MUC12: variants seen among roughly 807,000 people sequenced by gnomAD.
MUC12 encodes the protein mucin 12, cell surface associated.
In MUC12, 172 loss-of-function variants were observed where a neutral mutation model predicts 230.8. That is an observed-to-expected ratio of 0.75 (90% CI 0.66 to 0.85). The LOEUF is 0.85. MUC12 is among the 40% of genes least tolerant of loss of function. MUC12 has a pLI of 0.00. For synonymous variants in MUC12, 1,259 were observed against 2,401.9 expected, an observed-to-expected ratio of 0.52 and a Z score of 13.91; for missense variants, 3,506 against 5,920.6, an observed-to-expected ratio of 0.59 and a Z score of 13.38.
chr7:100,981,726 G>T (rs1048095380), intron 1 of MUC12, among the ~76,000 whole-genome samples: 11 of 152,088 alleles, frequency 7.2e-5, no homozygotes, highest in African/African-American at 2.7e-4. Context: ...AGGTATGTTC[G>T]GAATGGTCCC....
chr7:101,018,546 C>T (rs2116373744), intron 11 of MUC12, 49 bp from the exon 12 acceptor site: 3 of 1,532,898 alleles, frequency 2.0e-6, no homozygotes, highest in South Asian at 1.2e-5. Flanking sequence ...GGGGCTCCCC[C>T]TTTCCCGGGT....
chr7:101,012,721 AGGGGAGGG>A, intron 6 of MUC12, 90 bp from the exon 7 acceptor site: 1 of 1,336,710 alleles, frequency 7.5e-7, no homozygotes, highest in Non-Finnish European at 1.0e-6. Flanking sequence ...GCATTGGCCC[AGGGGAGGG>A]CATGGTATAG....
chr7:100,975,045 G>T, intron 1 of MUC12, among the ~76,000 whole-genome samples: 1 of 152,134 alleles, frequency 6.6e-6, no homozygotes, highest in African/African-American at 2.4e-5. Context: ...CCTGTTGAGT[G>T]TGGAATGACT....
intron 1 of MUC12, among the ~76,000 whole-genome samples, chr7:100,970,914 G>A (rs909231402): frequency 6.6e-6 from 1 of 151,858 alleles, no homozygotes; most frequent in Non-Finnish European, 1.5e-5. Flanking sequence ...GGAGAATGGC[G>A]TGAACCCGGG....
At chr7:100,973,318 T>C (rs1792951057) in intron 1 of MUC12, among the ~76,000 whole-genome samples, 1 of 152,284 alleles carries the variant, frequency 6.6e-6, no homozygotes. Context: ...GAGGAGCCTC[T>C]TTTTGCTGGA....
Position 101,005,359 on chromosome 7 carries a change from A to T in MUC12, c.14796A>T (p.Glu4932Asp), listed in dbSNP as rs905183850. 2 of 1,537,730 alleles carry T rather than the reference A, an allele frequency of 1.3e-6. No homozygotes were observed. The highest frequency in any genetic ancestry group is 2.7e-5 in the African/African-American group (2 of 73,008). ...ARSTASDLVG[E>D]PTTFYISPSP... ...CCACAGCCTCAGACCTTGTTGGAGA[A>T]CCTACAACTTTCTACATCAGCCCAT... Residue 4932 changes from glutamate (E) to aspartate (D), a missense_variant, in exon 2 of 12, where the codon GAA becomes GAT. By Grantham distance (45) the Glu-to-Asp change is conservative. Transcript: ENST00000536621.
chr7:100,988,308 A>G (rs79876820), intron 1 of MUC12, among the ~76,000 whole-genome samples: 9,214 of 148,384 alleles, frequency 0.062, 321 homozygotes, highest in Middle Eastern at 0.1. Flanking sequence ...AAAAAAAAAA[A>G]AAAGAAAGAA....
chr7:101,008,271 C>T (rs1403481954), intron 3 of MUC12, among the ~76,000 whole-genome samples: 2 of 152,048 alleles, frequency 1.3e-5, no homozygotes, highest in South Asian at 2.1e-4. Flanking sequence ...GGACTACAGG[C>T]GTGCACTACC....
Position 101,001,203 on chromosome 7 carries a change from C to A in MUC12, c.10640C>A (p.Ser3547Ter). ...ACCACCTCAGGCTCCAGTCAGGAAT[C>A]AACAACTTCCCACAGCAGCTCAGGT... ...STTTSGSSQESTTSHSSSGST... is the reference protein window; with the variant it reads ...STTTSGSSQE Residue 3547 changes from serine (S) to a stop codon, truncating the protein, a stop_gained, in exon 2 of 12, where the codon TCA becomes TAA. Coordinates refer to ENST00000536621, the MANE Select transcript of MUC12 (RefSeq NM_001164462.2). LOFTEE classifies it high-confidence loss of function. 3.2e-6 allele frequency: 3 copies of A among 940,530 alleles called. No homozygotes were observed. The highest frequency in any genetic ancestry group is 4.4e-6 in the Non-Finnish European group (3 of 683,468). 58.3% of individuals were successfully genotyped at this position (940,530 alleles called of 1,614,324 possible).
chr7:100,984,310 A>G (rs10258066), intron 1 of MUC12, among the ~76,000 whole-genome samples: 116,181 of 150,080 alleles, frequency 0.77, 45,283 homozygotes, highest in African/African-American at 0.86. Flanking sequence ...AGGCTAGAGT[A>G]CAGTGGCATG....
In MUC12 at chr7:100,995,620, C is replaced by G. The variant is rs1299337970; in HGVS notation, c.5057C>G (p.Ser1686Cys). The G allele has an allele frequency of 1.3e-6, 2 of 1,536,982 alleles. No individual in the cohort carries two copies. Residue 1686 changes from serine (S) to cysteine (C), a missense_variant, in exon 2 of 12, where the codon TCT becomes TGT. Coordinates refer to ENST00000536621, the MANE Select transcript of MUC12 (RefSeq NM_001164462.2). ...GGCTCTACAACACGTCAGGGAGAATCTACCACCTTCCAGAGCTGGCCAAGC... is the reference window on the plus strand; with the variant it reads ...GGCTCTACAACACGTCAGGGAGAATGTACCACCTTCCAGAGCTGGCCAAGC... ...PAGSTTRQGE[S>C]TTFQSWPSSK...
chr7:100,995,613 G>A lies in MUC12; in HGVS notation c.5050G>A (p.Gly1684Arg). 5 of 1,536,898 alleles carry A rather than the reference G, an allele frequency of 3.3e-6. No individual in the cohort carries two copies. The highest frequency in any genetic ancestry group is 4.4e-6 in the Non-Finnish European group (5 of 1,147,040). The change falls in exon 2 of 12, where the codon GGA (glycine) becomes AGA (arginine). Residue 1684 changes from glycine (G) to arginine (R), a missense_variant. Transcript: ENST00000536621. ...LSPAGSTTRQ[G>R]ESTTFQSWPS... is the part of the protein sequence containing the mutation. ...CCCTGCCGGCTCTACAACACGTCAGGGAGAATCTACCACCTTCCAGAGCTG... is the reference window on the plus strand; with the variant it reads ...CCCTGCCGGCTCTACAACACGTCAGAGAGAATCTACCACCTTCCAGAGCTG...
In MUC12 at chr7:101,012,854, G is replaced by A. The variant is rs1005698901; in HGVS notation, c.15439G>A (p.Val5147Met). 14 of 1,537,162 alleles carry A rather than the reference G, an allele frequency of 9.1e-6. No individual in the cohort carries two copies. The highest frequency in any genetic ancestry group is 4.9e-5 in the East Asian group (2 of 40,920). ...GTGCTATAGTGAAGAGGACACTTTC[G>A]TGGATTCATCGGTGACTCCGGGCTT... ...ILCYSEEDTF[V>M]DSSVTPGFDF... Residue 5147 changes from valine to methionine, a missense_variant, in exon 7 of 12, where the codon GTG (valine) becomes ATG (methionine). Val to Met is a conservative substitution (Grantham distance 21). Transcript: ENST00000536621.
rs375191349 is a variant in MUC12, at chr7:101,012,964, C to A, written c.15476-16C>A. The A allele has an allele frequency of 6.5e-7, 1 of 1,537,244 alleles. No homozygotes were observed. The highest frequency in any genetic ancestry group is 2.0e-5 in the Admixed American group (1 of 51,008). ...TTTGGCCAGGCTCATGCATGCTGCC[C>A]GCCCCTCTCCCTCAGAGCAATGCAC... On this transcript the variant is annotated splice_polypyrimidine_tract_variant and intron_variant, in intron 7 of 11. Transcript: ENST00000536621.
chr7:100,984,953 G>A (rs1793166351), intron 1 of MUC12, among the ~76,000 whole-genome samples: 1 of 151,988 alleles, frequency 6.6e-6, no homozygotes, highest in Non-Finnish European at 1.5e-5. Flanking sequence ...TGCAACCTCT[G>A]CCTCTTGGGT....
In MUC12 at chr7:101,004,693, A is replaced by T; in HGVS notation, c.14130A>T (p.Glu4710Asp). 1 of 1,537,886 alleles carries T rather than the reference A, an allele frequency of 6.5e-7. No individual in the cohort carries two copies. The highest frequency in any genetic ancestry group is 8.7e-7 in the Non-Finnish European group (1 of 1,147,046). The change falls in exon 2 of 12, where the codon GAA becomes GAT. Residue 4710 changes from glutamate (E) to aspartate (D), a missense_variant. Physicochemically the swap from Glu to Asp is conservative, Grantham distance 45 (BLOSUM62 2). Transcript: ENST00000536621. ...AHFTTSGRIA[E>D]STTFYISPGS... ...TTACTACCTCAGGCCGCATTGCAGA[A>T]TCTACCACCTTCTATATCTCTCCAG...
At position 100,992,156 on chromosome 7, in the gene MUC12, A is replaced by T. The variant is rs771482998; in HGVS notation, c.1593A>T (p.Thr531=). ...STTSHSRPGS[T]HTTAFPGSTT... ...CCTCCCACAGCCGACCAGGCTCAAC[A>T]CACACAACAGCATTCCCTGGCAGTA... The change falls in exon 2 of 12, where the codon ACA becomes ACT. Residue 531 remains threonine (T), a synonymous_variant. Coordinates refer to ENST00000536621, the MANE Select transcript of MUC12 (RefSeq NM_001164462.2). 6.5e-7 allele frequency: 1 copy of T among 1,537,664 alleles called. No homozygotes were observed. Among genetic ancestry groups the T allele is most frequent in the East Asian group, 2.4e-5 (1 of 40,914 alleles).
At position 100,991,610 on chromosome 7, in the gene MUC12, C is replaced by T. The variant is rs186796962; in HGVS notation, c.1047C>T (p.Ser349=). ...CAACAACACCCCCACCTGCCCGCTC[C>T]GCGACCTCAGGCCATGTTGAAGAAT... The part of the protein sequence containing the change: ...ATATTPPPAR[S]ATSGHVEEST... The change falls in exon 2 of 12, where the codon TCC becomes TCT. Residue 349 remains serine (S), a synonymous_variant. Transcript: ENST00000536621. 313 of 1,536,750 alleles carry T rather than the reference C, an allele frequency of 2.0e-4. 8 individuals carry two copies. In the Admixed American group the frequency reaches 5.7e-3, roughly 28 times the overall value.
chr7:100,983,211 G>A (rs142389158), intron 1 of MUC12, among the ~76,000 whole-genome samples: 6,806 of 151,988 alleles, frequency 0.045, 219 homozygotes, highest in Non-Finnish European at 0.062. Context: ...TGTGAGGTCA[G>A]GAGTTCAAGA....
Sources: gnomAD v4.1 joint callset for allele counts (sites outside exome capture counted in the v4.1 genomes callset) on GRCh38, gnomAD v4.1.1 for gene constraint, MANE v1.5 for transcripts, NCBI Gene and HGNC (gene_info 2026-07-23, HGNC 2026-07-21) for gene names.